Variants in CNTN5 observed in about 807,000 individuals in gnomAD.
CNTN5 encodes contactin-5.
In CNTN5, 77 loss-of-function variants were observed where a neutral mutation model predicts 129.1. The ratio of observed to expected loss-of-function variants is 0.60; its 90% CI spans 0.50 to 0.72. CNTN5 has a LOEUF of 0.72. CNTN5 is among the 30% of genes least tolerant of loss of function. CNTN5 has a pLI of 0.00. For missense variants in CNTN5, 1,478 were observed against 1,328.8 expected, an observed-to-expected ratio of 1.11 and a Z score of -1.75; for synonymous variants, 509 against 465.6, an observed-to-expected ratio of 1.09 and a Z score of -1.20.
chr11:99,710,187 G>T (rs758026344), intron 3 of CNTN5, among the ~76,000 whole-genome samples: 3 of 151,688 alleles, frequency 2.0e-5, no homozygotes, highest in Non-Finnish European at 2.9e-5. Context: ...ACCTTCTATA[G>T]TCCCATTCTA....
intron 3 of CNTN5, among the ~76,000 whole-genome samples, chr11:99,640,255 T>C (rs905061236): frequency 4.6e-5 from 7 of 152,330 alleles, no homozygotes; most frequent in South Asian, 2.1e-4. Flanking sequence ...TCTCTACTGG[T>C]ACCGATACAC....
At chr11:99,801,182 A>G (rs1319078926) in intron 3 of CNTN5, among the ~76,000 whole-genome samples, 8 of 152,138 alleles carry the variant, frequency 5.3e-5, no homozygotes, top group Admixed American at 3.9e-4. Context: ...ATTATGTTTC[A>G]TGTATGAAGT....
chr11:100,148,821 G>T (rs966753007), intron 13 of CNTN5, among the ~76,000 whole-genome samples: 1 of 151,142 alleles, frequency 6.6e-6, no homozygotes, highest in African/African-American at 2.4e-5. Context: ...TTATCTTGCG[G>T]TGTAAATATT....
chr11:99,972,914 T>G (rs1356470310), intron 8 of CNTN5, among the ~76,000 whole-genome samples: 1 of 151,782 alleles, frequency 6.6e-6, no homozygotes, highest in East Asian at 1.9e-4. Flanking sequence ...TTTAATTGTG[T>G]GTACAGTAAA....
At chr11:99,327,213 G>A (rs1013651262) in intron 2 of CNTN5, among the ~76,000 whole-genome samples, 7 of 152,158 alleles carry the variant, frequency 4.6e-5, no homozygotes, top group African/African-American at 7.2e-5. Context: ...CACAGCAGCT[G>A]TATGTAAGAG....
In CNTN5 at chr11:100,009,451, TAA is replaced by T. The variant is rs35373665; in HGVS notation, c.980+7325_980+7326del. 5.0e-3 allele frequency among the ~76,000 whole-genome samples: 738 copies of T among 148,726 alleles called. 13 individuals carry two copies. Among genetic ancestry groups the T allele is most frequent in the Non-Finnish European group, 3.4e-3 (228 of 67,164 alleles). ...AAGGCTTGGGTAACACAGCAAAGTG[TAA>T]AAAAAAAAATGGAGGGGGATTAATT... On this transcript the variant is annotated intron_variant, in intron 9 of 24. Transcript: ENST00000524871.
intron 3 of CNTN5, among the ~76,000 whole-genome samples, chr11:99,592,016 T>C (rs574442384): frequency 1.3e-5 from 2 of 152,326 alleles, no homozygotes; most frequent in South Asian, 4.1e-4. Context: ...AGCAGCTAAG[T>C]ATAGTTTTAA....
intron 6 of CNTN5, among the ~76,000 whole-genome samples, chr11:99,910,797 T>A (rs187525676): frequency 2.2e-4 from 33 of 152,208 alleles, no homozygotes; most frequent in Admixed American, 8.5e-4. Flanking sequence ...ATTTAGAAGG[T>A]CAAAAATAGT....
intron 2 of CNTN5, among the ~76,000 whole-genome samples, chr11:99,438,420 A>G (rs1324035354): frequency 1.3e-5 from 2 of 152,162 alleles, no homozygotes; most frequent in East Asian, 3.8e-4. Context: ...CAAGAATTGA[A>G]ACCTGGCAGT....
chr11:100,055,340 A>G (rs1224547712), intron 9 of CNTN5, among the ~76,000 whole-genome samples: 1 of 151,490 alleles, frequency 6.6e-6, no homozygotes, highest in Admixed American at 6.6e-5. Flanking sequence ...CCCTTTTTAT[A>G]CACACACATT....
intron 3 of CNTN5, among the ~76,000 whole-genome samples, chr11:99,577,932 CTCG>C (rs374786092): frequency 4.3e-4 from 65 of 151,564 alleles, no homozygotes; most frequent in Non-Finnish European, 8.7e-4. Context: ...CACCCATTAA[CTCG>C]TCGTTTAGCA....
chr11:100,337,392 A>C, intron 21 of CNTN5: 1 of 778,550 alleles, frequency 1.3e-6, no homozygotes. Flanking sequence ...CAGAGAGAGC[A>C]CCTATCAGCA....
intron 1 of CNTN5, among the ~76,000 whole-genome samples, chr11:99,181,880 A>G (rs1039117549): frequency 1.3e-5 from 2 of 152,164 alleles, no homozygotes; most frequent in African/African-American, 4.8e-5. Context: ...ATTGTTGACA[A>G]GGTACCACTA....
chr11:99,898,872 A>G (rs183946046), intron 6 of CNTN5, among the ~76,000 whole-genome samples: 1 of 152,104 alleles, frequency 6.6e-6, no homozygotes, highest in East Asian at 1.9e-4. Flanking sequence ...CATTTCACCT[A>G]TTCTACTGAA....
chr11:99,964,084 T>C (rs913656857), intron 8 of CNTN5, among the ~76,000 whole-genome samples: 2 of 152,218 alleles, frequency 1.3e-5, no homozygotes, highest in Non-Finnish European at 2.9e-5. Context: ...TTTCTAGATA[T>C]ACAATCATGT....
intron 3 of CNTN5, among the ~76,000 whole-genome samples, chr11:99,787,089 T>C (rs1018258530): frequency 5.5e-5 from 2 of 36,512 alleles, no homozygotes; most frequent in African/African-American, 2.6e-4. Context: ...TGAAACTACA[T>C]GTTTTTTTTT....
chr11:99,350,450 C>T (rs748044887), intron 2 of CNTN5, among the ~76,000 whole-genome samples: 8 of 152,122 alleles, frequency 5.3e-5, no homozygotes, highest in South Asian at 2.1e-4. Context: ...AGCAATTTCA[C>T]TCCTAGGTAT....
intron 2 of CNTN5, among the ~76,000 whole-genome samples, chr11:99,487,534 G>C (rs967121141): frequency 6.6e-6 from 1 of 152,124 alleles, no homozygotes; most frequent in Non-Finnish European, 1.5e-5. Flanking sequence ...CCCTGTAGAA[G>C]AATTTACAAA....
chr11:99,822,907 T>C (rs1946845189), intron 4 of CNTN5, among the ~76,000 whole-genome samples: 1 of 152,250 alleles, frequency 6.6e-6, no homozygotes, highest in African/African-American at 2.4e-5. Flanking sequence ...TTTGTCTTTT[T>C]TGCTTTCTGG....
Sources: gnomAD v4.1 joint callset for allele counts (sites outside exome capture counted in the v4.1 genomes callset) on GRCh38, gnomAD v4.1.1 for gene constraint, MANE v1.5 for transcripts, NCBI Gene and HGNC (gene_info 2026-07-23, HGNC 2026-07-21) for gene names.